The following OTOA variants were observed in gnomAD, a reference collection of about 807,000 sequenced individuals.
OTOA encodes otoancorin, also known as cancer/testis antigen 108.
A neutral mutation model predicts 110.8 loss-of-function variants in OTOA; 70 were observed. That is an observed-to-expected ratio of 0.63 (90% CI 0.52 to 0.77). OTOA has a LOEUF of 0.77. OTOA is among the 30% of genes least tolerant of loss of function. The pLI is 0.00. For synonymous variants in OTOA, 373 were observed against 431.5 expected (o/e 0.86, Z 1.68); for missense variants, 917 against 1,075.8 (o/e 0.85, Z 2.06).
chr16:21,697,746 T>C, intron 9 of OTOA, 29 bp from the exon 10 acceptor site: 1 of 1,590,694 alleles, frequency 6.3e-7, no homozygotes, highest in Non-Finnish European at 8.6e-7. Context: ...ATGTATGTAC[T>C]CATTTATTCA....
At chr16:21,680,319 C>G (rs1451597089) in intron 5 of OTOA, among the ~76,000 whole-genome samples, 1 of 152,014 alleles carries the variant, frequency 6.6e-6, no homozygotes, top group Non-Finnish European at 1.5e-5. Context: ...CGGGACCAGC[C>G]TGGCCAACAT....
chr16:21,718,562 A>T (rs1050902493), intron 15 of OTOA, among the ~76,000 whole-genome samples: 2 of 152,232 alleles, frequency 1.3e-5, no homozygotes, highest in African/African-American at 4.8e-5. Flanking sequence ...TCTATAAAAT[A>T]GACAAATGTA....
chr16:21,686,651 C>T (rs921822966), intron 7 of OTOA, among the ~76,000 whole-genome samples: 2 of 151,992 alleles, frequency 1.3e-5, no homozygotes, highest in Non-Finnish European at 2.9e-5. Context: ...ATACCTGTAA[C>T]CCTAGCACTT....
chr16:21,749,074 G>A (rs1191486324), intron 24 of OTOA: 2 of 138,442 alleles, frequency 1.4e-5, no homozygotes, highest in African/African-American at 5.1e-5. Context: ...GAGTCCAGAG[G>A]GCAGTTTTCT....
chr16:21,698,443 C>T (rs555212534), intron 10 of OTOA, among the ~76,000 whole-genome samples: 2 of 152,304 alleles, frequency 1.3e-5, no homozygotes, highest in South Asian at 4.2e-4. Context: ...ACACTAAAAT[C>T]CCTTGGGCAT....
chr16:21,700,360 A>G (rs1029912523), intron 10 of OTOA, among the ~76,000 whole-genome samples: 1 of 152,212 alleles, frequency 6.6e-6, no homozygotes, highest in Non-Finnish European at 1.5e-5. Context: ...GATATTAAAA[A>G]ATAATTCTTT....
At chr16:21,715,629 C>T (rs897028577) in intron 14 of OTOA, among the ~76,000 whole-genome samples, 2 of 151,762 alleles carry the variant, frequency 1.3e-5, no homozygotes, top group African/African-American at 4.8e-5. Context: ...CATGGTCTTG[C>T]TATGTTGCGC....
rs1354894506 is a variant in OTOA, at chr16:21,711,314, C to G, written c.1320+1211C>G. Among the ~76,000 whole-genome samples, 2 of 152,298 alleles carry G rather than the reference C, an allele frequency of 1.3e-5. 1 individual carries two copies. The highest frequency in any genetic ancestry group is 3.9e-4 in the East Asian group (2 of 5,184). ...TGCAGAGAGGGAACTGTCAGGCAGA[C>G]AGTCCTCTTTGGTGGGGACAGGAGT... On this transcript the variant is annotated intron_variant, in intron 13 of 28. Coordinates refer to ENST00000646100, the MANE Select transcript of OTOA (RefSeq NM_144672.4).
chr16:21,716,940 G>C lies in OTOA; in HGVS notation c.1522G>C (p.Val508Leu). ...VQAEDTAPGIVEIQGAFFKEV... is the reference protein window; with the variant it reads ...VQAEDTAPGILEIQGAFFKEV... ...AGCGGAAGACACTGCCCCAGGCATC[G>C]TGGAGATACAAGGGGCTTTCTTTAA... Residue 508 changes from valine to leucine, a missense_variant, in exon 15 of 29, where the codon GTG (valine) becomes CTG (leucine). Around this residue, in one of 6 missense-constraint regions of OTOA, gnomAD observed 840 missense variants for 910.2 expected, o/e 0.92. Transcript: ENST00000646100. 1.2e-6 allele frequency: 2 copies of C among 1,614,006 alleles called. No individual in the cohort carries two copies. Among genetic ancestry groups the C allele is most frequent in the Non-Finnish European group, 8.5e-7 (1 of 1,180,000 alleles).
intron 1 of OTOA, among the ~76,000 whole-genome samples, chr16:21,667,391 A>G (rs1966842600): frequency 6.6e-6 from 1 of 152,158 alleles, no homozygotes; most frequent in African/African-American, 2.4e-5. Flanking sequence ...GCGGTGGCTC[A>G]CGCCTGTAAT....
Position 21,756,355 on chromosome 16 carries a change from C to T in OTOA, c.3154-727C>T, listed in dbSNP as rs1345917374. On this transcript the variant is annotated intron_variant, in intron 27 of 28. Coordinates refer to ENST00000646100, the MANE Select transcript of OTOA (RefSeq NM_144672.4). ...CATGGAGCCCTCACAGAGCTCATCA[C>T]ATGGTGCTCAGGCAGTCAAACCAAA... Among the ~76,000 whole-genome samples, 6 of 152,184 alleles carry T rather than the reference C, an allele frequency of 3.9e-5. No individual in the cohort carries two copies. The East Asian group carries it at 5.8e-4, about 15-fold the overall frequency.
At chr16:21,725,494 C>T (rs1004338917) in intron 18 of OTOA, among the ~76,000 whole-genome samples, 1 of 151,820 alleles carries the variant, frequency 6.6e-6, no homozygotes, top group African/African-American at 2.4e-5. Flanking sequence ...CACCATGTCG[C>T]TCAGGCTGGT....
intron 9 of OTOA, 89 bp downstream of exon 9, chr16:21,691,776 T>A: frequency 8.0e-7 from 1 of 1,244,580 alleles, no homozygotes; most frequent in Non-Finnish European, 1.2e-6. Flanking sequence ...GGATTTGATG[T>A]TGTTCTCTTC....
chr16:21,714,346 T>TTTCTTTCC (rs1898464286), intron 13 of OTOA, among the ~76,000 whole-genome samples: 11 of 132,538 alleles, frequency 8.3e-5, no homozygotes, highest in African/African-American at 2.3e-4. Context: ...TCTTTCTTTC[T>TTTCTTTCC]TTCTTTCCTT....
At chr16:21,728,995 G>T (rs1899022308) in intron 20 of OTOA, among the ~76,000 whole-genome samples, 1 of 151,958 alleles carries the variant, frequency 6.6e-6, no homozygotes, top group African/African-American at 2.4e-5. Flanking sequence ...GGAAAAGGTG[G>T]CCCTTTACAG....
chr16:21,689,337 G>C (rs1023116091), intron 8 of OTOA, among the ~76,000 whole-genome samples: 1 of 152,092 alleles, frequency 6.6e-6, no homozygotes, highest in African/African-American at 2.4e-5. Flanking sequence ...TTTTCACTAA[G>C]ATGTATATAA....
At chr16:21,684,427 A>C in intron 6 of OTOA, 2 of 1,531,736 alleles carry the variant, frequency 1.3e-6, no homozygotes, top group Non-Finnish European at 1.8e-6. Flanking sequence ...GAGTATGTTC[A>C]TTTCGCCTGT....
At chr16:21,710,240 T>TG (rs1371152891) in intron 13 of OTOA, 137 bp downstream of exon 13, 1 of 1,010,442 alleles carries the variant, frequency 9.9e-7, no homozygotes. Flanking sequence ...TTCTGGAGAC[T>TG]GGGAAGTCCA....
intron 1 of OTOA, among the ~76,000 whole-genome samples, chr16:21,672,622 C>CAA (rs3054190): frequency 0.1 from 9,516 of 91,918 alleles, 788 homozygotes; most frequent in East Asian, 0.28. Flanking sequence ...GACTCCATCT[C>CAA]AAAAAAAAAA....
Sources: allele counts gnomAD v4.1 joint callset (sites outside exome capture counted in the v4.1 genomes callset), GRCh38; gene constraint gnomAD v4.1.1; regional missense constraint gnomAD v4.1.1; transcripts MANE v1.5; gene names NCBI Gene and HGNC (gene_info 2026-07-23, HGNC 2026-07-21).